The following OSBPL9 variants were observed in gnomAD, a reference collection of about 807,000 sequenced individuals.
OSBPL9 encodes oxysterol-binding protein-related protein 9.
A neutral mutation model predicts 106.6 loss-of-function variants in OSBPL9; 40 were observed. The ratio of observed to expected loss-of-function variants is 0.38; its 90% CI spans 0.29 to 0.49. The LOEUF is 0.49. Ranked by LOEUF, OSBPL9 falls within the 20% of genes least tolerant of loss-of-function variation. OSBPL9 has a pLI of 0.97. For missense variants in OSBPL9, 609 were observed against 887.2 expected (o/e 0.69, Z 3.98); for synonymous variants, 269 against 295.4 (o/e 0.91, Z 0.92).
chr1:51,737,223 G>A (rs560302469), intron 4 of OSBPL9, among the ~76,000 whole-genome samples: 5 of 152,084 alleles, frequency 3.3e-5, no homozygotes, highest in Non-Finnish European at 5.9e-5. Flanking sequence ...AGCAGCTTTA[G>A]CATTTGCCAG....
Position 51,751,531 on chromosome 1 carries a change from G to T in OSBPL9, c.543+1336G>T, listed in dbSNP as rs558815222. 2.0e-5 allele frequency among the ~76,000 whole-genome samples: 3 copies of T among 152,152 alleles called. No homozygotes were observed. In the South Asian group the frequency reaches 6.2e-4, roughly 32 times the overall value. On this transcript the variant is annotated intron_variant, in intron 8 of 23. Transcript: ENST00000428468. ...AAGATAGGATTGGAGGCACAAAAGA[G>T]ATAAAGTTTTTATTTTAGTTTTTCT...
intron 1 of OSBPL9, among the ~76,000 whole-genome samples, chr1:51,642,988 T>C (rs1185695060): frequency 6.6e-6 from 1 of 152,244 alleles, no homozygotes; most frequent in African/African-American, 2.4e-5. Flanking sequence ...AGATAATTTA[T>C]AAAGGAAAGA....
chr1:51,668,625 C>T (rs1156289648), intron 2 of OSBPL9, among the ~76,000 whole-genome samples: 2 of 152,132 alleles, frequency 1.3e-5, no homozygotes, highest in Non-Finnish European at 2.9e-5. Flanking sequence ...CAGGGTGAGA[C>T]TCTGTCTCAA....
At chr1:51,760,665 G>C in intron 9 of OSBPL9, 25 bp from the exon 10 acceptor site, 2 of 1,612,986 alleles carry the variant, frequency 1.2e-6, no homozygotes, top group Non-Finnish European at 8.5e-7. Flanking sequence ...ATTAAAAATA[G>C]CTATATTGTG....
In OSBPL9 at chr1:51,617,101, G is replaced by A; in HGVS notation, c.-10G>A. ...CGTCAGGCCGTTTGTTGTCATTGGC[G>A]GCTCCCAAGATGGCGTCCATCATGG... On this transcript the variant is annotated 5_prime_UTR_variant, in exon 1 of 24. Coordinates refer to ENST00000428468, the MANE Select transcript of OSBPL9 (RefSeq NM_024586.6). 1 of 1,604,992 alleles carries A rather than the reference G, an allele frequency of 6.2e-7. No individual in the cohort carries two copies. The highest frequency in any genetic ancestry group is 1.1e-5 in the South Asian group (1 of 89,552).
chr1:51,518,744 C>T, the OSBPL9 span, among the ~76,000 whole-genome samples: 1 of 152,012 alleles, frequency 6.6e-6, no homozygotes, highest in Non-Finnish European at 1.5e-5. Flanking sequence ...CTGGGGGCGG[C>T]GCGCAGCCGG....
intron 3 of OSBPL9, among the ~76,000 whole-genome samples, chr1:51,685,392 G>T (rs1419697491): frequency 6.6e-6 from 1 of 151,856 alleles, no homozygotes; most frequent in Non-Finnish European, 1.5e-5. Context: ...CCAAGAAAAT[G>T]CTTACTTCTA....
chr1:51,773,941 C>CTCTGTTGTTGTTGTTGTTGTTGTT (rs901406229), intron 14 of OSBPL9, among the ~76,000 whole-genome samples: 1 of 148,966 alleles, frequency 6.7e-6, no homozygotes, highest in African/African-American at 2.5e-5. Flanking sequence ...CAGCTGCTGG[C>CTCTGTTGTTGTTGTTGTTGTTGTT]GTTGTTGTTG....
intron 12 of OSBPL9, 57 bp downstream of exon 12, chr1:51,766,038 A>G: frequency 6.8e-7 from 1 of 1,470,904 alleles, no homozygotes; most frequent in Non-Finnish European, 9.1e-7. Context: ...TAAAAATCTA[A>G]TTTGATTTTG....
At chr1:51,749,183 A>T (rs2149017644) in intron 7 of OSBPL9, among the ~76,000 whole-genome samples, 1 of 152,134 alleles carries the variant, frequency 6.6e-6, no homozygotes, top group East Asian at 1.9e-4. Flanking sequence ...GATATAGTGG[A>T]CTTCTGACAT....
At chr1:51,771,976 T>TAAGCATATAA in intron 12 of OSBPL9, 94 bp from the exon 13 acceptor site, 1 of 798,106 alleles carries the variant, frequency 1.3e-6, no homozygotes, top group Non-Finnish European at 2.0e-6. Context: ...AGCATATATA[T>TAAGCATATAA]GCATGCATGT....
intron 3 of OSBPL9, among the ~76,000 whole-genome samples, chr1:51,689,320 G>A (rs1027811660): frequency 1.3e-5 from 2 of 151,952 alleles, no homozygotes; most frequent in Admixed American, 1.3e-4. Flanking sequence ...TATATTTTTG[G>A]CCTTGCTTTA....
the OSBPL9 span, among the ~76,000 whole-genome samples, chr1:51,541,721 GT>G: frequency 2.6e-5 from 4 of 152,166 alleles, no homozygotes; most frequent in Non-Finnish European, 5.9e-5. Flanking sequence ...TTGAGCAAAA[GT>G]TGTTGCAGCA....
the OSBPL9 span, among the ~76,000 whole-genome samples, chr1:51,546,203 G>A: frequency 0.033 from 5,079 of 152,114 alleles, 279 homozygotes; most frequent in African/African-American, 0.11. Context: ...TTATTGTAGA[G>A]ATGGGGTTTC....
the OSBPL9 span, chr1:51,561,001 G>C: frequency 2.0e-5 from 3 of 152,342 alleles, no homozygotes; most frequent in African/African-American, 7.2e-5. Flanking sequence ...GTAATCCCAG[G>C]CCGAGGCGGT....
chr1:51,672,659 A>G (rs1650178098), intron 3 of OSBPL9, among the ~76,000 whole-genome samples: 1 of 152,168 alleles, frequency 6.6e-6, no homozygotes, highest in African/African-American at 2.4e-5. Context: ...ATGTTGTTGT[A>G]TATATTAATA....
chr1:51,577,552 C>T (rs768308207), intron 1 of OSBPL9, among the ~76,000 whole-genome samples: 1 of 152,012 alleles, frequency 6.6e-6, no homozygotes, highest in African/African-American at 2.4e-5. Context: ...GGATTACAGG[C>T]GTGAGCCACC....
At chr1:51,672,841 A>G (rs1650230268) in intron 3 of OSBPL9, among the ~76,000 whole-genome samples, 1 of 152,190 alleles carries the variant, frequency 6.6e-6, no homozygotes, top group African/African-American at 2.4e-5. Flanking sequence ...GGTGAGGGAA[A>G]TGTGGGCATC....
intron 1 of OSBPL9, among the ~76,000 whole-genome samples, chr1:51,647,266 G>A (rs1253923633): frequency 6.6e-6 from 1 of 152,042 alleles, no homozygotes; most frequent in African/African-American, 2.4e-5. Context: ...GTATTCTTGG[G>A]ATAAATCCCA....
Sources: gnomAD v4.1 joint callset for allele counts (sites outside exome capture counted in the v4.1 genomes callset) on GRCh38, gnomAD v4.1.1 for gene constraint, MANE v1.5 for transcripts, NCBI Gene and HGNC (gene_info 2026-07-23, HGNC 2026-07-21) for gene names.